ATM: variants seen among roughly 807,000 people sequenced by gnomAD.
ATM encodes ATM serine/threonine kinase.
A neutral mutation model predicts 387.0 loss-of-function variants in ATM; 308 were observed. The ratio of observed to expected loss-of-function variants is 0.80; its 90% CI spans 0.73 to 0.87. The LOEUF (loss-of-function observed/expected upper bound fraction) is 0.87. Ranked by LOEUF, ATM falls within the 40% of genes least tolerant of loss-of-function variation. The pLI is 0.00. For synonymous variants in ATM, 1,156 were observed against 1,187.3 expected (o/e 0.97, Z 0.54); for missense variants, 3,312 against 3,560.9 (o/e 0.93, Z 1.78).
intron 61 of ATM, 39 bp from the exon 62 acceptor site, chr11:108,365,043 G>A (rs952745663): frequency 1.9e-6 from 3 of 1,604,310 alleles, no homozygotes; most frequent in African/African-American, 2.7e-5. Flanking sequence ...TGATTAAAAT[G>A]TACATTGTTC....
chr11:108,310,018 G>A, intron 38 of ATM, 142 bp from the exon 39 acceptor site: 1 of 764,140 alleles, frequency 1.3e-6, no homozygotes, highest in Non-Finnish European at 2.1e-6. Context: ...ATGTTTATAG[G>A]TATATATTGG....
intron 32 of ATM, chr11:108,296,086 A>G (rs1350712443): frequency 6.6e-6 from 1 of 152,132 alleles, no homozygotes; most frequent in Non-Finnish European, 1.5e-5. Flanking sequence ...TCTCATTTTA[A>G]TACTTTAGTC....
At chr11:108,345,146 G>A (rs2137005011) in intron 57 of ATM, among the ~76,000 whole-genome samples, 1 of 152,300 alleles carries the variant, frequency 6.6e-6, no homozygotes. Flanking sequence ...TGAAGTATTT[G>A]AATTTGGAAG....
chr11:108,327,680 TC>T lies in ATM; in HGVS notation c.7012del (p.Leu2338Ter). On this transcript the variant is annotated frameshift_variant, in exon 48 of 63. Coordinates refer to ENST00000675843, the MANE Select transcript of ATM (RefSeq NM_000051.4). LOFTEE classifies it high-confidence loss of function. ...GCCTAAAACTTACATACACAGAATGTCTGAGGGTTTGTGGCAACTGGTTAGC... is the reference window on the plus strand; with the variant it reads ...GCCTAAAACTTACATACACAGAATGTTGAGGGTTTGTGGCAACTGGTTAGC... Reference protein sequence around the residue: ...PSLKLTYTECLRVCGNWLAET... With the variant: ...PSLKLTYTECXRVCGNWLAET... The T allele has an allele frequency of 6.2e-7, 1 of 1,614,018 alleles. No homozygotes were observed. The highest frequency in any genetic ancestry group is 8.5e-7 in the Non-Finnish European group (1 of 1,179,958).
At chr11:108,267,042 TG>T in intron 16 of ATM, 128 bp from the exon 17 acceptor site, 1 of 886,540 alleles carries the variant, frequency 1.1e-6, no homozygotes, top group Non-Finnish European at 1.8e-6. Context: ...GTGATCCACC[TG>T]GCTCTGCCTC....
rs2080473704 is a variant in ATM at position 108,256,230 on chromosome 11, A to G, written c.2140A>G (p.Thr714Ala). 6.2e-7 allele frequency: 1 copy of G among 1,604,820 alleles called. No homozygotes were observed. The highest frequency in any genetic ancestry group is 2.2e-5 in the East Asian group (1 of 44,562). ...TTACTTTAAGATTACAAATTCAGAA[A>G]CTCTTGTCCGGTGTTCACGTCTTTT... is the stretch of plus-strand genomic sequence containing the variant. ...NYSSEITNSE[T>A]LVRCSRLLVG... Residue 714 changes from threonine (T) to alanine (A), a missense_variant, in exon 14 of 63, where the codon ACT becomes GCT. Coordinates refer to ENST00000675843, the MANE Select transcript of ATM (RefSeq NM_000051.4).
At chr11:108,277,116 A>G (rs2081987157) in intron 22 of ATM, among the ~76,000 whole-genome samples, 1 of 152,066 alleles carries the variant, frequency 6.6e-6, no homozygotes, top group Non-Finnish European at 1.5e-5. Context: ...TTGTGGCACT[A>G]TGTTGGGCTC....
At position 108,251,083 on chromosome 11, in the gene ATM, C is replaced by G. The variant is rs955225694; in HGVS notation, c.1607+11C>G. The stretch of plus-strand genomic sequence containing the variant: ...CTGCAGACCTTCATGGTAAGTTCAG[C>G]ATGCATTATGTCTGACTTACAGATA... On this transcript the variant is annotated intron_variant, in intron 10 of 62. Coordinates refer to ENST00000675843, the MANE Select transcript of ATM (RefSeq NM_000051.4). 1 of 1,613,864 alleles carries G rather than the reference C, an allele frequency of 6.2e-7. No homozygotes were observed. The highest frequency in any genetic ancestry group is 8.5e-7 in the Non-Finnish European group (1 of 1,179,998).
rs2085078278 is a variant in ATM at position 108,319,977 on chromosome 11, A to AG, written c.6371_6372insG (p.Tyr2124Ter). The change falls in exon 44 of 63, where the codon TAC (tyrosine) becomes TAGC (stop). Residue 2124 changes from tyrosine (Y) to a stop codon, truncating the protein, a stop_gained and frameshift_variant. Transcript: ENST00000675843. LOFTEE classifies it high-confidence loss of function. ...SVSKEVEGTS[Y>*]HESLYNALQS... ...AGCAAAGAAGTAGAAGGAACCAGTT[A>AG]CCATGAATCATTGTACAATGCTCTA... 1 of 1,612,392 alleles carries AG rather than the reference A, an allele frequency of 6.2e-7. No homozygotes were observed. Among genetic ancestry groups the AG allele is most frequent in the Non-Finnish European group, 8.5e-7 (1 of 1,178,580 alleles).
rs876659392 is a variant in ATM at position 108,329,087 on chromosome 11, G to C, written c.7156G>C (p.Ala2386Pro). The change falls in exon 49 of 63, where the codon GCA becomes CCA. Residue 2386 changes from alanine (A) to proline (P), a missense_variant. Around this residue, in one of 4 missense-constraint regions of ATM, gnomAD observed 1,405 missense variants for 1,604.4 expected, o/e 0.88. Coordinates refer to ENST00000675843, the MANE Select transcript of ATM (RefSeq NM_000051.4). ...SDELRNGKMK[A>P]FLSLARFSDT... ...TGAGCTAAGAAATGGAAAAATGAAG[G>C]CATTTCTCTCATTAGCCCGGTTTTC... 6.2e-7 allele frequency: 1 copy of C among 1,613,882 alleles called. No homozygotes were observed. The highest frequency in any genetic ancestry group is 8.5e-7 in the Non-Finnish European group (1 of 1,179,976).
chr11:108,295,245 G>T (rs1297839204), intron 32 of ATM, 186 bp downstream of exon 32: 9 of 656,286 alleles, frequency 1.4e-5, no homozygotes, highest in Non-Finnish European at 2.1e-5. Context: ...AACTCTTCCT[G>T]TTTTATTCAT....
Position 108,345,685 on chromosome 11 carries a change from ATAT to A in ATM, c.8419-55_8419-53del, listed in dbSNP as rs2088249238. ...GTCATATTTTTATATAAAAATGTGT[ATAT>A]TAGTTTAATTGAACACAATATTGAA... On this transcript the variant is annotated intron_variant, in intron 57 of 62. Transcript: ENST00000675843. The A allele has an allele frequency of 6.9e-6, 9 of 1,308,018 alleles. No homozygotes were observed. In the East Asian group the frequency reaches 2.3e-4, roughly 33 times the overall value. The allele number at this position is 1,308,018 out of a possible 1,614,324, so 81.0% of individuals were successfully genotyped here.
intron 61 of ATM, 127 bp from the exon 62 acceptor site, chr11:108,364,955 A>G (rs892075510): frequency 1.7e-5 from 17 of 1,003,584 alleles, no homozygotes; most frequent in Non-Finnish European, 2.5e-5. Context: ...AGTGTGCATG[A>G]TGTTTGTTCC....
At chr11:108,246,891 A>G (rs578073742) in intron 7 of ATM, 73 bp from the exon 8 acceptor site, 7 of 1,278,368 alleles carry the variant, frequency 5.5e-6, no homozygotes, top group Admixed American at 5.4e-5. Flanking sequence ...TGACAGCTGA[A>G]TAATTTTGTG....
rs539302674 is a variant in ATM, at chr11:108,289,820, C to T, written c.4436+19C>T. On this transcript the variant is annotated intron_variant, in intron 29 of 62. Coordinates refer to ENST00000675843, the MANE Select transcript of ATM (RefSeq NM_000051.4). ...ACCAAAGGTAAATAACATATTTAGA[C>T]CAATATATAAGCAGTCTTTCTATCC... 6.3e-7 allele frequency: 1 copy of T among 1,598,394 alleles called. No homozygotes were observed. Among genetic ancestry groups the T allele is most frequent in the South Asian group, 1.1e-5 (1 of 90,370 alleles).
intron 56 of ATM, among the ~76,000 whole-genome samples, 182 bp from the exon 57 acceptor site, chr11:108,343,040 T>C (rs922926633): frequency 6.6e-6 from 1 of 152,202 alleles, no homozygotes; most frequent in African/African-American, 2.4e-5. Context: ...TGGAAAATTA[T>C]ATTCTTTGAG....
rs2235008 is a variant in ATM, at chr11:108,256,147, T to C, written c.2125-68T>C. Reference sequence around the variant, plus strand: ...TTTAATATGTATGTAGAATTTGTTCTTACAAAAGATAGAGTATACTAAATT... The same window carrying C: ...TTTAATATGTATGTAGAATTTGTTCCTACAAAAGATAGAGTATACTAAATT... On this transcript the variant is annotated intron_variant, in intron 13 of 62. Coordinates refer to ENST00000675843, the MANE Select transcript of ATM (RefSeq NM_000051.4). 30,941 of 1,368,818 alleles carry C rather than the reference T, an allele frequency of 0.023. 451 individuals are homozygous for C. The highest frequency in any genetic ancestry group is 0.043 in the South Asian group (2,844 of 66,868). 84.8% of individuals were successfully genotyped at this position (1,368,818 alleles called of 1,614,324 possible).
At chr11:108,287,756 C>T in intron 27 of ATM, 41 bp downstream of exon 27, 1 of 1,400,854 alleles carries the variant, frequency 7.1e-7, no homozygotes, top group Non-Finnish European at 1.0e-6. Context: ...TCTAACTTCA[C>T]AAGTTTTTAA....
chr11:108,269,638 G>A (rs2081462951), intron 18 of ATM, among the ~76,000 whole-genome samples: 1 of 152,212 alleles, frequency 6.6e-6, no homozygotes, highest in African/African-American at 2.4e-5. Flanking sequence ...CAGTGTATGT[G>A]GAGGTAGAGC....
Sources: allele counts gnomAD v4.1 joint callset (sites outside exome capture counted in the v4.1 genomes callset), GRCh38; gene constraint gnomAD v4.1.1; regional missense constraint gnomAD v4.1.1; transcripts MANE v1.5; gene names NCBI Gene and HGNC (gene_info 2026-07-23, HGNC 2026-07-21).